The following LCOR variants were observed in gnomAD, a reference collection of about 807,000 sequenced individuals.
The protein encoded by LCOR is ligand dependent nuclear receptor corepressor, also known as ligand-dependent corepressor.
A neutral mutation model predicts 64.4 loss-of-function variants in LCOR; 14 were observed. The ratio of observed to expected loss-of-function variants is 0.22; its 90% CI spans 0.14 to 0.34. The LOEUF (loss-of-function observed/expected upper bound fraction) is 0.34, where lower values mean the gene tolerates loss of function less well. Ranked by LOEUF, LCOR falls within the 10% of genes least tolerant of loss-of-function variation. The pLI is 1.00. For synonymous variants in LCOR, 643 were observed against 642.5 expected, an observed-to-expected ratio of 1.00 and a Z score of -0.01; for missense variants, 1,686 against 1,765.3, an observed-to-expected ratio of 0.96 and a Z score of 0.80.
chr10:96,962,026 C>CTTA (rs1847889677), intron 7 of LCOR: 1 of 151,936 alleles, frequency 6.6e-6, no homozygotes, highest in South Asian at 2.1e-4. Context: ...ACACTAAAGT[C>CTTA]TTAATTTATC....
At chr10:96,868,532 C>T (rs894929054) in intron 2 of LCOR, among the ~76,000 whole-genome samples, 2 of 151,998 alleles carry the variant, frequency 1.3e-5, no homozygotes, top group Admixed American at 6.6e-5. Flanking sequence ...CCTCGGCCTC[C>T]GAAAGTGCTG....
In LCOR at chr10:96,988,971, A is replaced by G. The variant is rs1332625669; in HGVS notation, c.*3837A>G. On this transcript the variant is annotated 3_prime_UTR_variant, in exon 8 of 8. Transcript: ENST00000421806. ...CCTAAGATACTATCTGGACCTTCAG[A>G]AAACATCTGCTGATCCCTGCTTGAG... The G allele has an allele frequency of 1.3e-5, 2 of 152,354 alleles. No individual in the cohort carries two copies. Among genetic ancestry groups the G allele is most frequent in the East Asian group, 3.9e-4 (2 of 5,186 alleles). The allele number at this position is 152,354 out of a possible 1,614,324, so 9.4% of individuals were successfully genotyped here.
At position 96,880,234 on chromosome 10, in the gene LCOR, C is replaced by G. The variant is rs576672147; in HGVS notation, c.-329-27031C>G. On this transcript the variant is annotated intron_variant, in intron 2 of 7. Coordinates refer to ENST00000421806, the MANE Select transcript of LCOR (RefSeq NM_001346516.2). Reference sequence around the variant, plus strand: ...TTAATAATGTCAGTGACCTTTAGAGCTGTCAGTTTGAAATAATGTAACTTT... The same window carrying G: ...TTAATAATGTCAGTGACCTTTAGAGGTGTCAGTTTGAAATAATGTAACTTT... Among the ~76,000 whole-genome samples the G allele has an allele frequency of 5.3e-5, 8 of 152,282 alleles. No homozygotes were observed. The East Asian group carries it at 1.5e-3, about 29-fold the overall frequency.
chr10:96,976,600 T>C (rs1355789641), intron 7 of LCOR, among the ~76,000 whole-genome samples: 1 of 152,214 alleles, frequency 6.6e-6, no homozygotes, highest in African/African-American at 2.4e-5. Context: ...AATGAAGATA[T>C]TGGGGTGCTA....
At chr10:96,874,379 A>G (rs1167600838) in intron 2 of LCOR, among the ~76,000 whole-genome samples, 2 of 152,178 alleles carry the variant, frequency 1.3e-5, no homozygotes, top group Admixed American at 6.6e-5. Flanking sequence ...ACTCCTTATA[A>G]TCTTCAGGAT....
At chr10:96,913,854 G>A (rs989165153) in intron 4 of LCOR, among the ~76,000 whole-genome samples, 20 of 151,992 alleles carry the variant, frequency 1.3e-4, no homozygotes, top group Admixed American at 1.0e-3. Context: ...GGAGCTGGAG[G>A]TTGCAGTGAG....
intron 7 of LCOR, chr10:96,961,875 T>G (rs1431231954): frequency 2.0e-5 from 3 of 152,050 alleles, no homozygotes; most frequent in Non-Finnish European, 4.4e-5. Flanking sequence ...GTCTTTTTTT[T>G]TTTTCATCCA....
chr10:96,908,337 G>A (rs957631011), intron 4 of LCOR, among the ~76,000 whole-genome samples: 2 of 152,138 alleles, frequency 1.3e-5, no homozygotes, highest in Non-Finnish European at 2.9e-5. Flanking sequence ...ATAATTAATT[G>A]TCTCAAACTG....
At chr10:96,877,407 C>A (rs1846186318) in intron 2 of LCOR, among the ~76,000 whole-genome samples, 1 of 151,898 alleles carries the variant, frequency 6.6e-6, no homozygotes, top group African/African-American at 2.4e-5. Flanking sequence ...TGTCTGTAGT[C>A]CCAGTACTTG....
chr10:96,947,936 C>G (rs775345215), intron 5 of LCOR, among the ~76,000 whole-genome samples: 2 of 151,642 alleles, frequency 1.3e-5, no homozygotes, highest in Non-Finnish European at 2.9e-5. Context: ...TCAGCTAAAT[C>G]GAATACACTT....
intron 4 of LCOR, among the ~76,000 whole-genome samples, chr10:96,911,698 A>T (rs575424608): frequency 5.9e-5 from 9 of 152,264 alleles, no homozygotes; most frequent in African/African-American, 2.2e-4. Context: ...TATGTTAGGA[A>T]TCTGTGAGTG....
At chr10:96,959,664 C>T (rs1007227637) in intron 7 of LCOR, 1 of 151,858 alleles carries the variant, frequency 6.6e-6, no homozygotes, top group Non-Finnish European at 1.5e-5. Flanking sequence ...TTTTTCTGTT[C>T]CCCAAATACC....
At chr10:96,970,801 T>C (rs1044315277) in intron 7 of LCOR, among the ~76,000 whole-genome samples, 2 of 151,770 alleles carry the variant, frequency 1.3e-5, no homozygotes, top group Non-Finnish European at 2.9e-5. Context: ...CTGGGACTAG[T>C]AGAGACGGGG....
chr10:96,883,377 A>T (rs1846294332), intron 2 of LCOR, among the ~76,000 whole-genome samples: 1 of 152,160 alleles, frequency 6.6e-6, no homozygotes, highest in Admixed American at 6.6e-5. Flanking sequence ...TATTTGAGTA[A>T]TTACCAAGAA....
intron 1 of LCOR, chr10:96,832,928 G>C: frequency 3.2e-6 from 3 of 942,036 alleles, no homozygotes; most frequent in Non-Finnish European, 3.8e-6. Flanking sequence ...GCGGCGGGCT[G>C]CAGGCGGGCG....
chr10:96,941,068 C>G lies in LCOR; in HGVS notation c.-183-3045C>G, dbSNP rs1481685609. 1.8e-4 allele frequency among the ~76,000 whole-genome samples: 20 copies of G among 111,350 alleles called. 1 individual carries two copies. The East Asian group carries it at 4.0e-3, about 22-fold the overall frequency. 73.0% of individuals were successfully genotyped at this position (111,350 alleles called of 152,430 possible). A position where few individuals can be genotyped will look rare whatever the true frequency, so the allele number is the denominator to read the frequency against. ...CGGACAGGGCGGCTGGCCGACCCCC[C>G]CCCCGCCTCCCTCCCGGACGGGGCG... On this transcript the variant is annotated intron_variant, in intron 4 of 7. Transcript: ENST00000421806.
intron 2 of LCOR, among the ~76,000 whole-genome samples, chr10:96,877,325 A>G (rs1846184571): frequency 6.6e-6 from 1 of 152,020 alleles, no homozygotes; most frequent in Non-Finnish European, 1.5e-5. Flanking sequence ...GGAGTTCAAG[A>G]CCAGACTGGG....
At chr10:96,897,385 A>G (rs931777522) in intron 2 of LCOR, among the ~76,000 whole-genome samples, 1 of 152,188 alleles carries the variant, frequency 6.6e-6, no homozygotes, top group African/African-American at 2.4e-5. Context: ...TGGATTGTGA[A>G]CTGATGTAAT....
At position 96,989,695 on chromosome 10, in the gene LCOR, A is replaced by ATTT. The variant is rs58390684; in HGVS notation, c.*4583_*4585dup. On this transcript the variant is annotated 3_prime_UTR_variant, in exon 8 of 8. Coordinates refer to ENST00000421806, the MANE Select transcript of LCOR (RefSeq NM_001346516.2). ...TAAGGATATATATATATATATATAT[A>ATTT]TTTTTTTTTTTTTTTTTTTTTTTTA... The ATTT allele has an allele frequency of 1.7e-4, 15 of 86,160 alleles. No homozygotes were observed. The highest frequency in any genetic ancestry group is 4.9e-4 in the African/African-American group (8 of 16,170). 5.3% of individuals were successfully genotyped at this position (86,160 alleles called of 1,614,324 possible).
Sources: gnomAD v4.1 joint callset for allele counts (sites outside exome capture counted in the v4.1 genomes callset) on GRCh38, gnomAD v4.1.1 for gene constraint, MANE v1.5 for transcripts, NCBI Gene and HGNC (gene_info 2026-07-23, HGNC 2026-07-21) for gene names.